Variants in CLSPN observed in about 807,000 individuals in gnomAD.
The protein encoded by CLSPN is claspin.
A neutral mutation model predicts 156.3 loss-of-function variants in CLSPN; 85 were observed. The observed-to-expected ratio is 0.54, with a 90% CI of 0.46 to 0.65. CLSPN has a LOEUF of 0.65. CLSPN is among the 30% of genes least tolerant of loss of function. The probability of loss-of-function intolerance (pLI) is 0.00; values close to 1 mark genes in which losing one functional copy is unlikely to be tolerated. For synonymous variants in CLSPN, 534 were observed against 542.4 expected (o/e 0.98, Z 0.22); for missense variants, 1,407 against 1,554.9 (o/e 0.90, Z 1.60).
Position 35,749,492 on chromosome 1 carries a change from G to A in CLSPN, c.2247C>T (p.Asn749=). The A allele has an allele frequency of 6.2e-7, 1 of 1,614,082 alleles. No individual in the cohort carries two copies. Among genetic ancestry groups the A allele is most frequent in the Non-Finnish European group, 8.5e-7 (1 of 1,179,988 alleles). The stretch of plus-strand genomic sequence containing the variant: ...CCAGTTTGCTAGGCTGCTTGCCTGA[G>A]TTTTCATCTGTTTCTGATTTTTCTT... The part of the protein sequence containing the change: ...PTEEKSETDE[N]SGKQPSKLDE... The change falls in exon 12 of 25, where the codon AAC becomes AAT. Residue 749 remains asparagine (N), a synonymous_variant. Coordinates refer to ENST00000318121, the MANE Select transcript of CLSPN (RefSeq NM_022111.4).
At chr1:35,721,424 G>C (rs1420565661) in intron 24 of CLSPN, among the ~76,000 whole-genome samples, 1 of 152,124 alleles carries the variant, frequency 6.6e-6, no homozygotes, top group Non-Finnish European at 1.5e-5. Context: ...GAGTTTCACT[G>C]TCACCCAGGC....
At chr1:35,753,615 G>C (rs1358141406) in intron 9 of CLSPN, 130 bp downstream of exon 9, 1 of 810,838 alleles carries the variant, frequency 1.2e-6, no homozygotes, top group Non-Finnish European at 2.0e-6. Context: ...AATCATGCCA[G>C]AGATACTGCT....
chr1:35,766,967 G>A (rs773742059), intron 1 of CLSPN, among the ~76,000 whole-genome samples: 1 of 139,534 alleles, frequency 7.2e-6, no homozygotes, highest in Non-Finnish European at 1.6e-5. Context: ...GGCTGGTCTC[G>A]AACTTTTGAC....
chr1:35,738,100 GAAAAAA>G lies in CLSPN; in HGVS notation c.3559-9_3559-4del, dbSNP rs367728453. The G allele has an allele frequency of 3.1e-4, 110 of 355,732 alleles. 5 individuals carry two copies. The highest frequency in any genetic ancestry group is 5.2e-4 in the African/African-American group (12 of 22,862). 22.0% of individuals were successfully genotyped at this position (355,732 alleles called of 1,614,324 possible). A position where few individuals can be genotyped will look rare whatever the true frequency, so the allele number is the denominator to read the frequency against. ...GCTGTAATTTTCCCCTGCTGTGCCT[GAAAAAA>G]AAAAAAAATATATATATATATATAT... On this transcript the variant is annotated splice_region_variant and splice_polypyrimidine_tract_variant and intron_variant, in intron 21 of 24. Transcript: ENST00000318121.
intron 2 of CLSPN, 98 bp from the exon 3 acceptor site, chr1:35,764,812 C>A: frequency 1.3e-6 from 1 of 753,390 alleles, no homozygotes. Flanking sequence ...TGATATATAA[C>A]ATTGTGAAAT....
At position 35,746,166 on chromosome 1, in the gene CLSPN, G is replaced by A. The variant is rs1042957353; in HGVS notation, c.2854+600C>T. On this transcript the variant is annotated intron_variant, in intron 15 of 24. Coordinates refer to ENST00000318121, the MANE Select transcript of CLSPN (RefSeq NM_022111.4). This position sits in a 1 kb window ranked among gnomAD's most constrained non-coding sequence, Gnocchi z 4.2. The stretch of plus-strand genomic sequence containing the variant: ...TCACCGTGCTGCCCAGGCTGGTGGC[G>A]AACTCCTGAGCTCAGGAAATCCCCC... Among the ~76,000 whole-genome samples the A allele has an allele frequency of 6.6e-6, 1 of 151,848 alleles. No individual in the cohort carries two copies. The highest frequency in any genetic ancestry group is 1.5e-5 in the Non-Finnish European group (1 of 67,964).
chr1:35,738,063 T>A lies in CLSPN; in HGVS notation c.3593A>T (p.Glu1198Val). The A allele has an allele frequency of 6.9e-7, 1 of 1,457,874 alleles. No homozygotes were observed. Among genetic ancestry groups the A allele is most frequent in the Non-Finnish European group, 9.1e-7 (1 of 1,093,242 alleles). 90.3% of individuals were successfully genotyped at this position (1,457,874 alleles called of 1,614,324 possible). Residue 1198 changes from glutamate (E) to valine (V), a missense_variant, in exon 22 of 25, where the codon GAA (glutamate) becomes GTA (valine). Physicochemically the swap from Glu to Val is moderately radical, Grantham distance 121. Around this residue, in one of 3 missense-constraint regions of CLSPN, gnomAD observed 241 missense variants for 240.5 expected, o/e 1.00. Transcript: ENST00000318121. ...QQGKITAEEEEEIGEDSQFMI... is the reference protein window; with the variant it reads ...QQGKITAEEEVEIGEDSQFMI... ...AAACTGACTGTCCTCCCCAATTTCT[T>A]CTTCTTCTTCAGCTGTAATTTTCCC...
Position 35,737,388 on chromosome 1 carries a change from G to A in CLSPN, c.3698C>T (p.Ser1233Phe). The A allele has an allele frequency of 2.5e-6, 4 of 1,614,002 alleles. No homozygotes were observed. The highest frequency in any genetic ancestry group is 3.4e-6 in the Non-Finnish European group (4 of 1,179,932). The part of the protein sequence containing the change: ...SRPMVIQESK[S>F]LLRNPFEAIR... ...GGCTTCAAAAGGATTTCTGAGCAAA[G>A]ACTTTGATTCCTGAATAACCATAGG... Residue 1233 changes from serine to phenylalanine, a missense_variant, in exon 23 of 25, where the codon TCT becomes TTT. Physicochemically the swap from Ser to Phe is radical, Grantham distance 155. Around this residue, in one of 3 missense-constraint regions of CLSPN, gnomAD observed 241 missense variants for 240.5 expected, o/e 1.00. Transcript: ENST00000318121.
At chr1:35,754,043 CACAT>C in intron 8 of CLSPN, 107 bp from the exon 9 acceptor site, 3 of 976,662 alleles carry the variant, frequency 3.1e-6, no homozygotes, top group Non-Finnish European at 3.0e-6. Flanking sequence ...AGGGAAACCA[CACAT>C]ACACAGAGAA....
rs115622842 is a variant in CLSPN, at chr1:35,737,141, C to G, written c.3748-66G>C. 2,215 of 1,500,616 alleles carry G rather than the reference C, an allele frequency of 1.5e-3. 25 individuals are homozygous for G. In the African/African-American group the frequency reaches 0.026, roughly 18 times the overall value. 93.0% of individuals were successfully genotyped at this position (1,500,616 alleles called of 1,614,324 possible). A position where few individuals can be genotyped will look rare whatever the true frequency, so the allele number is the denominator to read the frequency against. The stretch of plus-strand genomic sequence containing the variant: ...CAACTAAAGAATGAAAAGTCCTTCC[C>G]TCCCTGCTTCCCCCTAGATATTGAG... On this transcript the variant is annotated intron_variant, in intron 23 of 24. Transcript: ENST00000318121.
Position 35,735,657 on chromosome 1 carries a change from G to A in CLSPN, c.*839C>T, listed in dbSNP as rs1370189605. On this transcript the variant is annotated 3_prime_UTR_variant, in exon 25 of 25. Coordinates refer to ENST00000318121, the MANE Select transcript of CLSPN (RefSeq NM_022111.4). The stretch of plus-strand genomic sequence containing the variant: ...CGGGAGGCAGAGGTTGCCGTGAGCC[G>A]AGATTGCGCCACTGCACTCCAGACT... 18 of 909,350 alleles carry A rather than the reference G, an allele frequency of 2.0e-5. No individual in the cohort carries two copies. The highest frequency in any genetic ancestry group is 6.2e-5 in the Admixed American group (1 of 16,104). The allele number at this position is 909,350 out of a possible 1,614,324, so 56.3% of individuals were successfully genotyped here.
At chr1:35,749,208 T>C (rs529382804) in intron 12 of CLSPN, among the ~76,000 whole-genome samples, 68 of 152,312 alleles carry the variant, frequency 4.5e-4, no homozygotes, top group Non-Finnish European at 7.8e-4. Flanking sequence ...CTTCCTTTGA[T>C]CTACATACAG....
intron 24 of CLSPN, among the ~76,000 whole-genome samples, chr1:35,726,965 G>T (rs1008868175): frequency 6.6e-6 from 1 of 152,286 alleles, no homozygotes. Flanking sequence ...AGTTGCCGGG[G>T]AAAAGGCTTC....
chr1:35,740,410 C>T (rs1485371141), intron 18 of CLSPN, among the ~76,000 whole-genome samples: 1 of 150,442 alleles, frequency 6.6e-6, no homozygotes, highest in African/African-American at 2.4e-5. Flanking sequence ...AAGACCTATA[C>T]TGTATTTTCT....
At chr1:35,768,542 G>A (rs900667111) in intron 1 of CLSPN, among the ~76,000 whole-genome samples, 1 of 151,710 alleles carries the variant, frequency 6.6e-6, no homozygotes, top group Admixed American at 6.6e-5. Context: ...CGAGTAGCTG[G>A]GACCGAGTAG....
In CLSPN at chr1:35,747,941, C is replaced by T. The variant is rs1350322820; in HGVS notation, c.2593G>A (p.Asp865Asn). The T allele has an allele frequency of 1.9e-6, 3 of 1,614,146 alleles. No homozygotes were observed. Residue 865 changes from aspartate to asparagine, a missense_variant, in exon 14 of 25, where the codon GAT (aspartate) becomes AAT (asparagine). By Grantham distance (23) the Asp-to-Asn change is conservative. This residue lies in a region of CLSPN where 1,096 missense variants were observed against 1,193.0 expected (regional missense o/e 0.92). Transcript: ENST00000318121. The stretch of plus-strand genomic sequence containing the variant: ...TCCAACAGTTGGCTCTGAGTGTCAT[C>T]TTCTAAACAGAACTGGAAGTCTCCT... ...GAGDFQFCLE[D>N]DTQSQLLDAD...
intron 10 of CLSPN, among the ~76,000 whole-genome samples, chr1:35,750,337 A>G (rs562946037): frequency 6.6e-6 from 1 of 152,130 alleles, no homozygotes; most frequent in African/African-American, 2.4e-5. Flanking sequence ...TCTCAAAAAA[A>G]TTTAAATAAA....
chr1:35,748,497 C>T lies in CLSPN; in HGVS notation c.2380G>A (p.Gly794Ser). ...GTAGGGAAAAAACTGGTCCCACGGC[C>T]TGTTTGTCTGTTGCAAGGCTGATAG... ...PSYQPCNRQT[G>S]RGTSFFPTAG... The change falls in exon 13 of 25, where the codon GGC (glycine) becomes AGC (serine). Residue 794 changes from glycine to serine, a missense_variant. By Grantham distance (56) the Gly-to-Ser change is moderately conservative. Around this residue, in one of 3 missense-constraint regions of CLSPN, gnomAD observed 1,096 missense variants for 1,193.0 expected, o/e 0.92. Transcript: ENST00000318121. 1 of 1,614,170 alleles carries T rather than the reference C, an allele frequency of 6.2e-7. No individual in the cohort carries two copies. Among genetic ancestry groups the T allele is most frequent in the Non-Finnish European group, 8.5e-7 (1 of 1,180,032 alleles).
intron 24 of CLSPN, among the ~76,000 whole-genome samples, chr1:35,723,506 T>C (rs1367274056): frequency 6.6e-6 from 1 of 152,196 alleles, no homozygotes; most frequent in African/African-American, 2.4e-5. Context: ...AATTTCTCAA[T>C]ATCAGTATTC....
Sources: allele counts gnomAD v4.1 joint callset (sites outside exome capture counted in the v4.1 genomes callset), GRCh38; gene constraint gnomAD v4.1.1; regional missense constraint gnomAD v4.1.1; non-coding constraint Gnocchi (gnomAD v3.1); transcripts MANE v1.5; gene names NCBI Gene and HGNC (gene_info 2026-07-23, HGNC 2026-07-21).